The following CNTN1 variants were observed in gnomAD, a reference collection of about 807,000 sequenced individuals.
The protein encoded by CNTN1 is contactin 1.
Under a neutral mutation model 126.4 loss-of-function variants are expected in CNTN1, and 38 were observed. The observed-to-expected ratio is 0.30, with a 90% confidence interval of 0.23 to 0.39. The LOEUF (loss-of-function observed/expected upper bound fraction) is 0.39, where lower values mean the gene tolerates loss of function less well. Ranked by LOEUF, CNTN1 falls within the 10% of genes least tolerant of loss-of-function variation. The pLI is 1.00. For missense variants in CNTN1, 1,009 were observed against 1,248.4 expected, an observed-to-expected ratio of 0.81 and a Z score of 2.89; for synonymous variants, 413 against 422.6, an observed-to-expected ratio of 0.98 and a Z score of 0.28.
At chr12:41,010,094 C>T (rs187995109) in intron 17 of CNTN1, among the ~76,000 whole-genome samples, 2 of 152,004 alleles carry the variant, frequency 1.3e-5, no homozygotes, top group Admixed American at 6.5e-5. Context: ...GAGGGGAGGC[C>T]TGGATTAGAG....
At chr12:40,726,916 A>G (rs926783643) in intron 1 of CNTN1, among the ~76,000 whole-genome samples, 1 of 149,330 alleles carries the variant, frequency 6.7e-6, no homozygotes, top group Non-Finnish European at 1.5e-5. Flanking sequence ...GAATTTAAAC[A>G]TTATAATAAA....
intron 1 of CNTN1, among the ~76,000 whole-genome samples, chr12:40,885,058 G>T (rs535538514): frequency 2.7e-4 from 41 of 151,848 alleles, no homozygotes; most frequent in Admixed American, 1.9e-3. Context: ...AGTTGCCTCA[G>T]TGCCCTTTAT....
chr12:40,876,700 A>C (rs1022571559), intron 1 of CNTN1, among the ~76,000 whole-genome samples: 11 of 152,152 alleles, frequency 7.2e-5, no homozygotes, highest in Non-Finnish European at 1.3e-4. Context: ...ACATATATGT[A>C]TATATAATAA....
intron 1 of CNTN1, among the ~76,000 whole-genome samples, chr12:40,817,732 C>T (rs976553129): frequency 4.6e-5 from 7 of 151,960 alleles, no homozygotes; most frequent in African/African-American, 1.2e-4. Flanking sequence ...CTATTTTGCA[C>T]ACTAGTTGAT....
At chr12:40,725,244 A>T (rs1235356478) in intron 1 of CNTN1, among the ~76,000 whole-genome samples, 2 of 151,924 alleles carry the variant, frequency 1.3e-5, no homozygotes, top group Non-Finnish European at 2.9e-5. Flanking sequence ...TCTGCTAAAG[A>T]TACAAAATTA....
chr12:40,800,698 C>T (rs186637525), intron 1 of CNTN1, among the ~76,000 whole-genome samples: 7 of 151,918 alleles, frequency 4.6e-5, no homozygotes, highest in African/African-American at 9.7e-5. Flanking sequence ...ATCTGGCAGT[C>T]GTCTCCACAT....
chr12:40,880,926 A>G (rs192562115), intron 1 of CNTN1, among the ~76,000 whole-genome samples: 3 of 151,946 alleles, frequency 2.0e-5, no homozygotes, highest in African/African-American at 4.8e-5. Flanking sequence ...ACTGTGTTCT[A>G]TGCTTGGAAC....
intron 9 of CNTN1, 75 bp from the exon 10 acceptor site, chr12:40,936,706 T>A: frequency 6.4e-7 from 1 of 1,566,208 alleles, no homozygotes; most frequent in African/African-American, 1.4e-5. Context: ...TAACTAAATG[T>A]AATATTTATA....
At chr12:41,013,730 T>G (rs1948720688) in intron 17 of CNTN1, among the ~76,000 whole-genome samples, 2 of 152,174 alleles carry the variant, frequency 1.3e-5, no homozygotes, top group Non-Finnish European at 2.9e-5. Flanking sequence ...TTGGAGTCAC[T>G]GACGGCGCAG....
intron 3 of CNTN1, among the ~76,000 whole-genome samples, chr12:40,912,635 A>T (rs576454152): frequency 4.8e-5 from 7 of 146,288 alleles, no homozygotes; most frequent in Admixed American, 2.0e-4. Context: ...GCTAATATTT[A>T]AAAAAAAAAA....
chr12:40,743,770 G>A (rs1938049238), intron 1 of CNTN1, among the ~76,000 whole-genome samples: 1 of 151,966 alleles, frequency 6.6e-6, no homozygotes, highest in South Asian at 2.1e-4. Flanking sequence ...TTGTTTTGCT[G>A]TGCAGAGTTC....
chr12:40,730,962 G>A (rs1023087437), intron 1 of CNTN1, among the ~76,000 whole-genome samples: 2 of 151,870 alleles, frequency 1.3e-5, no homozygotes, highest in Non-Finnish European at 2.9e-5. Context: ...TATCAAAAAA[G>A]ATATTATGCA....
chr12:41,007,786 G>C (rs1386825860), intron 17 of CNTN1, among the ~76,000 whole-genome samples: 1 of 152,130 alleles, frequency 6.6e-6, no homozygotes, highest in Admixed American at 6.5e-5. Flanking sequence ...TGTACACTTG[G>C]CCGACAAAGG....
chr12:41,042,401 G>C (rs931183716), intron 23 of CNTN1, among the ~76,000 whole-genome samples: 14 of 152,164 alleles, frequency 9.2e-5, no homozygotes, highest in African/African-American at 2.9e-4. Context: ...CTGTTGATTT[G>C]GGGTGGAGAG....
Position 40,997,763 on chromosome 12 carries a change from A to G in CNTN1, c.2113+4494A>G, listed in dbSNP as rs371549154. On this transcript the variant is annotated intron_variant, in intron 17 of 23. Coordinates refer to ENST00000551295, the MANE Select transcript of CNTN1 (RefSeq NM_001843.4). ...TCCATGATGCTGATCTGGGTATCCA[A>G]TTAGATGAAGTATATGAAAATAACT... 2.0e-5 allele frequency among the ~76,000 whole-genome samples: 3 copies of G among 152,320 alleles called. No individual in the cohort carries two copies. In the East Asian group the frequency reaches 5.8e-4, roughly 29 times the overall value.
At chr12:40,892,515 T>C (rs1302615665) in intron 1 of CNTN1, among the ~76,000 whole-genome samples, 1 of 151,902 alleles carries the variant, frequency 6.6e-6, no homozygotes, top group East Asian at 1.9e-4. Flanking sequence ...ATGGAATCAT[T>C]CCCAAAGAAG....
At chr12:41,066,434 A>C (rs1018453080) in intron 23 of CNTN1, among the ~76,000 whole-genome samples, 2 of 152,156 alleles carry the variant, frequency 1.3e-5, no homozygotes, top group Non-Finnish European at 2.9e-5. Context: ...CCTACAATGG[A>C]GGCATAACTC....
At chr12:40,759,519 G>A (rs752100579) in intron 1 of CNTN1, among the ~76,000 whole-genome samples, 2 of 147,626 alleles carry the variant, frequency 1.4e-5, no homozygotes, top group Non-Finnish European at 3.0e-5. Flanking sequence ...AGGCTGGAAT[G>A]CGGTGAAATG....
intron 1 of CNTN1, among the ~76,000 whole-genome samples, chr12:40,816,339 G>T (rs528411988): frequency 6.6e-6 from 1 of 152,132 alleles, no homozygotes; most frequent in Non-Finnish European, 1.5e-5. Context: ...CTTGTTATTG[G>T]TCTATTCAGG....
Sources: allele counts gnomAD v4.1 joint callset (sites outside exome capture counted in the v4.1 genomes callset), GRCh38; gene constraint gnomAD v4.1.1; transcripts MANE v1.5; gene names NCBI Gene and HGNC (gene_info 2026-07-23, HGNC 2026-07-21).